Variants in LRMDA observed in about 807,000 individuals in gnomAD.
LRMDA encodes the protein leucine-rich melanocyte differentiation-associated protein.
Under a neutral mutation model 29.8 loss-of-function variants are expected in LRMDA, and 18 were observed. That is an observed-to-expected ratio of 0.60 (90% CI 0.42 to 0.90). The LOEUF is 0.90. Ranked by LOEUF, LRMDA falls within the 40% of genes least tolerant of loss-of-function variation. The probability of loss-of-function intolerance (pLI) is 0.00; values close to 1 mark genes in which losing one functional copy is unlikely to be tolerated. For synonymous variants in LRMDA, 125 were observed against 109.4 expected (o/e 1.14, Z -0.89); for missense variants, 273 against 273.9 (o/e 1.00, Z 0.02).
chr10:75,617,464 C>T (rs1314594407), intron 2 of LRMDA, among the ~76,000 whole-genome samples: 3 of 152,208 alleles, frequency 2.0e-5, no homozygotes, highest in Non-Finnish European at 2.9e-5. Context: ...TAAATCTGCA[C>T]TCTGATGAAG....
intron 2 of LRMDA, among the ~76,000 whole-genome samples, chr10:75,684,008 T>C (rs1034793187): frequency 6.6e-6 from 1 of 152,240 alleles, no homozygotes; most frequent in East Asian, 1.9e-4. Flanking sequence ...CACATGTTTT[T>C]AAGGGGACCC....
At chr10:75,755,790 G>GGCA (rs1843024715) in intron 2 of LRMDA, among the ~76,000 whole-genome samples, 1 of 152,262 alleles carries the variant, frequency 6.6e-6, no homozygotes, top group South Asian at 2.1e-4. Flanking sequence ...GTGGGGAGCA[G>GGCA]GCAGCTGTGG....
At chr10:76,264,078 T>A (rs73287002) in intron 5 of LRMDA, among the ~76,000 whole-genome samples, 11,394 of 152,086 alleles carry the variant, frequency 0.075, 1,309 homozygotes, top group African/African-American at 0.25. Context: ...TAGCAGTAAT[T>A]TGTTCATTTA....
Position 76,047,055 on chromosome 10 carries a change from C to T in LRMDA, c.259-109C>T, listed in dbSNP as rs560992840. 76 of 1,195,056 alleles carry T rather than the reference C, an allele frequency of 6.4e-5. No homozygotes were observed. In the Admixed American group the frequency reaches 1.5e-3, roughly 24 times the overall value. 74.0% of individuals were successfully genotyped at this position (1,195,056 alleles called of 1,614,324 possible). A position where few individuals can be genotyped will look rare whatever the true frequency, so the allele number is the denominator to read the frequency against. On this transcript the variant is annotated intron_variant, in intron 3 of 6. Transcript: ENST00000611255. ...CAGCTGAATTGATTTCAGCCCCCAC[C>T]CTGAGGTCTCACAGGAGCAGACTGG...
At chr10:76,214,782 A>G (rs536792566) in intron 5 of LRMDA, among the ~76,000 whole-genome samples, 14 of 152,340 alleles carry the variant, frequency 9.2e-5, no homozygotes, top group African/African-American at 3.4e-4. Context: ...TGAGGAAAAC[A>G]AGAAAACAAG....
intron 2 of LRMDA, among the ~76,000 whole-genome samples, chr10:75,784,444 A>G (rs941725019): frequency 5.9e-5 from 9 of 152,218 alleles, no homozygotes; most frequent in African/African-American, 2.2e-4. Flanking sequence ...TCACGCCTGT[A>G]ATTGCAGCAC....
At chr10:75,465,349 T>C (rs916403453) in intron 2 of LRMDA, among the ~76,000 whole-genome samples, 2 of 152,174 alleles carry the variant, frequency 1.3e-5, no homozygotes, top group African/African-American at 4.8e-5. Flanking sequence ...CTTCTAAAAA[T>C]GGGCAAAGCA....
At chr10:75,498,273 C>CT (rs1011122004) in intron 2 of LRMDA, among the ~76,000 whole-genome samples, 1 of 152,034 alleles carries the variant, frequency 6.6e-6, no homozygotes, top group African/African-American at 2.4e-5. Flanking sequence ...CTTTCTGCAG[C>CT]TTTTTTTTCC....
At chr10:75,933,715 A>G (rs951921021) in intron 2 of LRMDA, among the ~76,000 whole-genome samples, 1 of 152,138 alleles carries the variant, frequency 6.6e-6, no homozygotes, top group African/African-American at 2.4e-5. Flanking sequence ...GTGGGAGGGT[A>G]TTCGCTCCAA....
At position 75,839,002 on chromosome 10, in the gene LRMDA, G is replaced by A. The variant is rs559828627; in HGVS notation, c.132-197006G>A. The stretch of plus-strand genomic sequence containing the variant: ...GGTGGATGGAGAAATACAATGGATG[G>A]TGCTCTGAAGGATTTGGGGGAGTCA... On this transcript the variant is annotated intron_variant, in intron 2 of 6. Coordinates refer to ENST00000611255, the MANE Select transcript of LRMDA (RefSeq NM_001305581.2). 2.2e-4 allele frequency among the ~76,000 whole-genome samples: 33 copies of A among 152,296 alleles called. No individual in the cohort carries two copies. The South Asian group carries it at 6.6e-3, about 31-fold the overall frequency.
intron 2 of LRMDA, among the ~76,000 whole-genome samples, chr10:75,960,531 C>T (rs1481324780): frequency 6.6e-6 from 1 of 152,204 alleles, no homozygotes; most frequent in Non-Finnish European, 1.5e-5. Flanking sequence ...TGCAGAATTT[C>T]ACCATCCTTC....
intron 2 of LRMDA, among the ~76,000 whole-genome samples, chr10:75,663,037 G>A (rs1841774958): frequency 6.6e-6 from 1 of 152,148 alleles, no homozygotes; most frequent in Admixed American, 6.5e-5. Context: ...TTGAGAGCCT[G>A]GTCTGGCAAG....
At chr10:75,691,157 TAGATATATAG>T (rs1842148999) in intron 2 of LRMDA, among the ~76,000 whole-genome samples, 3 of 126,652 alleles carry the variant, frequency 2.4e-5, no homozygotes, top group Admixed American at 1.5e-4. Context: ...TCTATATACA[TAGATATATAG>T]ATCTATATAT....
intron 6 of LRMDA, among the ~76,000 whole-genome samples, chr10:76,538,500 G>A (rs1265996858): frequency 7.9e-5 from 11 of 138,538 alleles, no homozygotes; most frequent in South Asian, 2.2e-4. Flanking sequence ...AGTTATATAT[G>A]TATATATATA....
chr10:76,225,311 A>C (rs1334623063), intron 5 of LRMDA, among the ~76,000 whole-genome samples: 2 of 152,032 alleles, frequency 1.3e-5, no homozygotes, highest in African/African-American at 4.8e-5. Context: ...CTCAGGAGGC[A>C]GAGGCAGGAG....
chr10:75,489,747 G>A (rs1844960990), intron 2 of LRMDA, among the ~76,000 whole-genome samples: 1 of 152,158 alleles, frequency 6.6e-6, no homozygotes, highest in Non-Finnish European at 1.5e-5. Flanking sequence ...GGGCTTGAGT[G>A]CTAGAACTAT....
rs148381893 is a variant in LRMDA, at chr10:76,254,845, G to A, written c.517-69556G>A. Reference sequence around the variant, plus strand: ...TCATTTTATTTTAGAAGTTACGACCGGTTTTATAGGAACAATGTGCCTTTA... The same window carrying A: ...TCATTTTATTTTAGAAGTTACGACCAGTTTTATAGGAACAATGTGCCTTTA... On this transcript the variant is annotated intron_variant, in intron 5 of 6. Coordinates refer to ENST00000611255, the MANE Select transcript of LRMDA (RefSeq NM_001305581.2). 2.8e-3 allele frequency among the ~76,000 whole-genome samples: 420 copies of A among 151,938 alleles called. 22 individuals are homozygous for A. The East Asian group carries it at 0.063, about 23-fold the overall frequency.
chr10:76,280,713 T>C (rs901001723), intron 5 of LRMDA, among the ~76,000 whole-genome samples: 22 of 152,072 alleles, frequency 1.4e-4, no homozygotes, highest in Admixed American at 1.3e-3. Context: ...TTGATTATCA[T>C]GGTACAGTAG....
intron 5 of LRMDA, among the ~76,000 whole-genome samples, chr10:76,065,213 T>C (rs1472214037): frequency 1.3e-5 from 2 of 152,226 alleles, no homozygotes; most frequent in Non-Finnish European, 2.9e-5. Context: ...ATCCTGTGCC[T>C]CAAGCAAATG....
Sources: gnomAD v4.1 joint callset for allele counts (sites outside exome capture counted in the v4.1 genomes callset) on GRCh38, gnomAD v4.1.1 for gene constraint, MANE v1.5 for transcripts, NCBI Gene and HGNC (gene_info 2026-07-23, HGNC 2026-07-21) for gene names.